CADPS2: variants seen among roughly 807,000 people sequenced by gnomAD.
CADPS2 encodes the protein calcium-dependent secretion activator 2.
Under a neutral mutation model 172.5 loss-of-function variants are expected in CADPS2, and 93 were observed. The ratio of observed to expected loss-of-function variants is 0.54; its 90% CI spans 0.46 to 0.64. CADPS2 has a LOEUF of 0.64. Among genes scored for constraint, CADPS2 ranks in the 30% least tolerant of loss-of-function variants. CADPS2 has a pLI of 0.00. For synonymous variants in CADPS2, 546 were observed against 555.2 expected, an observed-to-expected ratio of 0.98 and a Z score of 0.23; for missense variants, 1,420 against 1,565.9, an observed-to-expected ratio of 0.91 and a Z score of 1.57.
intron 8 of CADPS2, among the ~76,000 whole-genome samples, chr7:122,546,485 G>A (rs926483244): frequency 1.3e-5 from 2 of 152,136 alleles, no homozygotes; most frequent in East Asian, 1.9e-4. Context: ...TGTATTTTTA[G>A]GCCATGTCCT....
intron 8 of CADPS2, among the ~76,000 whole-genome samples, chr7:122,537,661 A>G (rs2131492067): frequency 6.6e-6 from 1 of 152,056 alleles, no homozygotes; most frequent in African/African-American, 2.4e-5. Context: ...GGATTTGGAA[A>G]AAACACAACC....
chr7:122,380,779 C>G (rs546887642), intron 24 of CADPS2, among the ~76,000 whole-genome samples: 1 of 152,170 alleles, frequency 6.6e-6, no homozygotes, highest in East Asian at 1.9e-4. Context: ...ATTGCACCCA[C>G]TAAAGCATGT....
At chr7:122,884,860 G>C (rs1768825314) in intron 1 of CADPS2, among the ~76,000 whole-genome samples, 1 of 152,212 alleles carries the variant, frequency 6.6e-6, no homozygotes, top group African/African-American at 2.4e-5. Context: ...ATGGGGGTAG[G>C]AGAATGTAGG....
chr7:122,326,490 C>T (rs2033900691), intron 28 of CADPS2, among the ~76,000 whole-genome samples: 1 of 152,014 alleles, frequency 6.6e-6, no homozygotes, highest in Admixed American at 6.6e-5. Flanking sequence ...TTAGATAACA[C>T]TCTAAGAATA....
At chr7:122,539,874 T>G (rs1420630714) in intron 8 of CADPS2, among the ~76,000 whole-genome samples, 1 of 152,018 alleles carries the variant, frequency 6.6e-6, no homozygotes, top group East Asian at 1.9e-4. Context: ...AATAATCATA[T>G]GAAGAAAAAC....
chr7:122,814,825 C>T (rs1430456513), intron 1 of CADPS2, among the ~76,000 whole-genome samples: 1 of 152,072 alleles, frequency 6.6e-6, no homozygotes, highest in Non-Finnish European at 1.5e-5. Flanking sequence ...AGAAGAATTA[C>T]TATGAATCAA....
At chr7:122,418,597 T>C (rs2048206207) in intron 17 of CADPS2, among the ~76,000 whole-genome samples, 1 of 152,172 alleles carries the variant, frequency 6.6e-6, no homozygotes, top group African/African-American at 2.4e-5. Context: ...GGGTCTGGTT[T>C]AGTAGAACAG....
intron 13 of CADPS2, among the ~76,000 whole-genome samples, chr7:122,473,699 T>C (rs1290478052): frequency 6.6e-6 from 1 of 152,176 alleles, no homozygotes; most frequent in East Asian, 1.9e-4. Context: ...AAACACATAA[T>C]TTTTAGGTTA....
At chr7:122,378,456 C>G (rs1045982013) in intron 25 of CADPS2, among the ~76,000 whole-genome samples, 7 of 152,062 alleles carry the variant, frequency 4.6e-5, no homozygotes, top group Admixed American at 1.3e-4. Flanking sequence ...ACTATTGTAG[C>G]TTACTTTGCA....
rs2087714699 is a variant in CADPS2 at position 122,707,209 on chromosome 7, GTC to G, written c.453+29744_453+29745del. Among the ~76,000 whole-genome samples, 4 of 152,054 alleles carry G rather than the reference GTC, an allele frequency of 2.6e-5. No homozygotes were observed. The South Asian group carries it at 8.3e-4, about 32-fold the overall frequency. ...ACACAAGGCACTGACATGAGCCAGA[GTC>G]TCTGTTAATGGGGACACAACATGGC... is the stretch of plus-strand genomic sequence containing the variant. On this transcript the variant is annotated intron_variant, in intron 2 of 29. Coordinates refer to ENST00000449022, the MANE Select transcript of CADPS2 (RefSeq NM_017954.11).
At chr7:122,655,638 T>C (rs7779199) in intron 3 of CADPS2, among the ~76,000 whole-genome samples, 26,648 of 152,080 alleles carry the variant, frequency 0.18, 3,068 homozygotes, top group Non-Finnish European at 0.26. Context: ...TTTATTGCAA[T>C]ATTCACTTTG....
chr7:122,351,390 A>AAAAAAAAAAAAAAAAAAAAAAAAAAAAC (rs2038600050), intron 27 of CADPS2, among the ~76,000 whole-genome samples: 1 of 148,288 alleles, frequency 6.7e-6, no homozygotes, highest in African/African-American at 2.5e-5. Context: ...AAAAAAAAAA[A>AAAAAAAAAAAAAAAAAAAAAAAAAAAAC]AAAAAAAAAA....
At chr7:122,656,941 G>A (rs1009387098) in intron 3 of CADPS2, among the ~76,000 whole-genome samples, 4 of 152,110 alleles carry the variant, frequency 2.6e-5, no homozygotes, top group African/African-American at 9.7e-5. Context: ...TATGGTTTTA[G>A]GTCTAACACT....
intron 13 of CADPS2, among the ~76,000 whole-genome samples, chr7:122,473,216 A>G (rs1196922754): frequency 6.6e-6 from 1 of 152,132 alleles, no homozygotes; most frequent in East Asian, 1.9e-4. Context: ...AACTGTTCAA[A>G]CTGTGTTCAA....
intron 11 of CADPS2, among the ~76,000 whole-genome samples, chr7:122,482,226 A>T (rs2057381276): frequency 1.3e-5 from 2 of 152,148 alleles, no homozygotes; most frequent in Admixed American, 6.6e-5. Context: ...ATAGTTATTA[A>T]GTCACTGTAA....
At chr7:122,336,498 C>T (rs2035875916) in intron 28 of CADPS2, among the ~76,000 whole-genome samples, 1 of 152,184 alleles carries the variant, frequency 6.6e-6, no homozygotes, top group Admixed American at 6.5e-5. Flanking sequence ...TGCAAAGTCA[C>T]AGGCTCTACA....
intron 5 of CADPS2, among the ~76,000 whole-genome samples, chr7:122,619,336 A>C (rs1320847135): frequency 1.3e-5 from 2 of 152,044 alleles, no homozygotes; most frequent in African/African-American, 4.8e-5. Context: ...CAATAAATTT[A>C]AATTATAGAC....
intron 1 of CADPS2, among the ~76,000 whole-genome samples, chr7:122,874,485 T>C (rs1820681376): frequency 6.6e-6 from 1 of 152,150 alleles, no homozygotes; most frequent in South Asian, 2.1e-4. Context: ...TTCAATGCTA[T>C]CTCCATCAAG....
At chr7:122,478,501 A>G (rs932466844) in intron 12 of CADPS2, among the ~76,000 whole-genome samples, 1 of 152,238 alleles carries the variant, frequency 6.6e-6, no homozygotes, top group Admixed American at 6.5e-5. Flanking sequence ...GTGTGATAAC[A>G]GTAGATGGAA....
Sources: gnomAD v4.1 joint callset for allele counts (sites outside exome capture counted in the v4.1 genomes callset) on GRCh38, gnomAD v4.1.1 for gene constraint, MANE v1.5 for transcripts, NCBI Gene and HGNC (gene_info 2026-07-23, HGNC 2026-07-21) for gene names.